Variants in CPLANE1 observed in about 807,000 individuals in gnomAD.
The protein encoded by CPLANE1 is ciliogenesis and planar polarity effector 1.
In CPLANE1, 263 loss-of-function variants were observed where a neutral mutation model predicts 362.5. That is an observed-to-expected ratio of 0.73 (90% CI 0.66 to 0.80). The LOEUF (loss-of-function observed/expected upper bound fraction) is 0.80. Ranked by LOEUF, CPLANE1 falls within the 30% of genes least tolerant of loss-of-function variation. CPLANE1 has a pLI of 0.00. For synonymous variants in CPLANE1, 1,212 were observed against 1,302.6 expected, an observed-to-expected ratio of 0.93 and a Z score of 1.50; for missense variants, 3,461 against 3,793.4, an observed-to-expected ratio of 0.91 and a Z score of 2.30.
chr5:37,100,940 C>T, the CPLANE1 span, among the ~76,000 whole-genome samples: 3 of 152,066 alleles, frequency 2.0e-5, no homozygotes, highest in South Asian at 2.1e-4. Flanking sequence ...GGAATGTCAG[C>T]GATTTTTGCA....
At position 37,227,278 on chromosome 5, in the gene CPLANE1, C is replaced by A; in HGVS notation, c.1486G>T (p.Glu496Ter). 2 of 1,551,994 alleles carry A rather than the reference C, an allele frequency of 1.3e-6. No homozygotes were observed. The highest frequency in any genetic ancestry group is 8.7e-7 in the Non-Finnish European group (1 of 1,146,984). The change falls in exon 11 of 53, where the codon GAA (glutamate) becomes TAA (stop). Residue 496 changes from glutamate to a stop codon, truncating the protein, a stop_gained. Coordinates refer to ENST00000651892, the MANE Select transcript of CPLANE1 (RefSeq NM_001384732.1). LOFTEE classifies it high-confidence loss of function. ...GCTGCATTTTCATTTATTGTTTCTT[C>A]TGCCTGCAAGAATTTGGGGACAGTG... ...DFTVPKFLQA[E>*]ETINENAADF...
In CPLANE1 at chr5:37,169,063, C is replaced by A; in HGVS notation, c.6961G>T (p.Val2321Phe). Residue 2321 changes from valine to phenylalanine, a missense_variant, in exon 34 of 53, where the codon GTT (valine) becomes TTT (phenylalanine). Val to Phe is a conservative substitution (Grantham distance 50). This residue lies in a region of CPLANE1 where 3,380 missense variants were observed against 3,666.1 expected (regional missense o/e 0.92). Transcript: ENST00000651892. ...IPNHVNLDQY[V>F]GQENLTPQQD... ...TGAGGTGTCAAATTTTCTTGTCCAA[C>A]ATATTGATCCAAGTTCACATGATTA... 6.2e-7 allele frequency: 1 copy of A among 1,614,210 alleles called. No individual in the cohort carries two copies. Among genetic ancestry groups the A allele is most frequent in the Non-Finnish European group, 8.5e-7 (1 of 1,180,038 alleles).
intron 21 of CPLANE1, 38 bp from the exon 22 acceptor site, chr5:37,187,880 A>G: frequency 1.4e-6 from 2 of 1,428,160 alleles, no homozygotes; most frequent in Non-Finnish European, 9.8e-7. Flanking sequence ...AAATCACATG[A>G]GTATGTACAT....
intron 15 of CPLANE1, among the ~76,000 whole-genome samples, chr5:37,217,606 C>CAAAT (rs10655258): frequency 0.068 from 10,115 of 147,862 alleles, 615 homozygotes; most frequent in African/African-American, 0.16. Context: ...GACACCATCT[C>CAAAT]AAATAAATAA....
chr5:37,136,178 G>C (rs1465094013), intron 46 of CPLANE1, among the ~76,000 whole-genome samples: 2 of 152,140 alleles, frequency 1.3e-5, no homozygotes, highest in African/African-American at 4.8e-5. Flanking sequence ...AAGCAATTTA[G>C]TTACTTCCTA....
In CPLANE1 at chr5:37,243,729, TATATATA is replaced by T. The variant is rs758509145; in HGVS notation, c.571-617_571-611del. Among the ~76,000 whole-genome samples the T allele has an allele frequency of 1.9e-3, 275 of 146,980 alleles. 5 individuals are homozygous for T. The Middle Eastern group carries it at 0.05, about 27-fold the overall frequency. ...AATATAATATATAATATACATGTAT[TATATATA>T]ATATATAATATGCATATAATATATA... On this transcript the variant is annotated intron_variant, in intron 5 of 52. Coordinates refer to ENST00000651892, the MANE Select transcript of CPLANE1 (RefSeq NM_001384732.1).
chr5:37,210,462 C>A (rs970119178), intron 16 of CPLANE1: 5 of 1,085,608 alleles, frequency 4.6e-6, no homozygotes, highest in Non-Finnish European at 5.6e-6. Context: ...TAGAACTAAT[C>A]GACTGATTGA....
Position 37,140,111 on chromosome 5 carries a change from T to C in CPLANE1, c.8633-741A>G, listed in dbSNP as rs923376962. On this transcript the variant is annotated intron_variant, in intron 44 of 52. Transcript: ENST00000651892. ...TCTTGTCCAGTATTAACTATATGTC[T>C]TCAGAGAAAAACACTTAATCTATTC... 1.7e-5 allele frequency: 15 copies of C among 898,242 alleles called. No homozygotes were observed. The East Asian group carries it at 1.3e-3, about 79-fold the overall frequency. 55.6% of individuals were successfully genotyped at this position (898,242 alleles called of 1,614,324 possible). A position where few individuals can be genotyped will look rare whatever the true frequency, so the allele number is the denominator to read the frequency against.
intron 16 of CPLANE1, among the ~76,000 whole-genome samples, chr5:37,206,828 T>G (rs1415959429): frequency 6.6e-6 from 1 of 152,068 alleles, no homozygotes; most frequent in Admixed American, 6.6e-5. Context: ...TGGGTCACAA[T>G]GTGCAATTTA....
intron 51 of CPLANE1, among the ~76,000 whole-genome samples, chr5:37,112,167 T>C (rs1759548943): frequency 1.3e-5 from 2 of 152,228 alleles, no homozygotes; most frequent in Admixed American, 6.5e-5. Flanking sequence ...ATAATTATTG[T>C]CATCTAGAAA....
intron 50 of CPLANE1, among the ~76,000 whole-genome samples, chr5:37,115,836 G>A (rs1224785228): frequency 1.3e-5 from 2 of 151,288 alleles, no homozygotes; most frequent in Non-Finnish European, 2.9e-5. Context: ...GACATGATCC[G>A]CCCACCTCAG....
intron 16 of CPLANE1, among the ~76,000 whole-genome samples, chr5:37,208,644 T>C (rs2150162437): frequency 7.0e-6 from 1 of 142,042 alleles, no homozygotes; most frequent in Non-Finnish European, 1.5e-5. Flanking sequence ...GCCACTGCAC[T>C]CCAGCCTGGG....
At chr5:37,137,246 C>T (rs1392242380) in intron 46 of CPLANE1, among the ~76,000 whole-genome samples, 1 of 152,198 alleles carries the variant, frequency 6.6e-6, no homozygotes, top group East Asian at 1.9e-4. Flanking sequence ...AGTCTCGTTG[C>T]TAAAACATAA....
intron 23 of CPLANE1, among the ~76,000 whole-genome samples, chr5:37,186,902 A>G (rs1016523116): frequency 1.3e-5 from 2 of 152,020 alleles, no homozygotes; most frequent in Non-Finnish European, 2.9e-5. Context: ...TACTAAAAAA[A>G]TACAAAAAAT....
At chr5:37,140,562 T>G (rs1769369029) in intron 44 of CPLANE1, 1 of 985,222 alleles carries the variant, frequency 1.0e-6, no homozygotes, top group Admixed American at 6.2e-5. Flanking sequence ...AAAGAGAAGG[T>G]CCATTAAAGA....
At chr5:37,113,898 C>T (rs565949314) in intron 51 of CPLANE1, among the ~76,000 whole-genome samples, 12 of 152,116 alleles carry the variant, frequency 7.9e-5, no homozygotes, top group Non-Finnish European at 1.6e-4. Context: ...CTGCAACCTC[C>T]GCCTGCTGGG....
intron 40 of CPLANE1, 76 bp downstream of exon 40, chr5:37,157,594 G>C: frequency 1.6e-6 from 2 of 1,285,812 alleles, no homozygotes; most frequent in Admixed American, 3.6e-5. Context: ...AGAGGTAAGA[G>C]ATGTGAGTAG....
chr5:37,095,777 C>G, the CPLANE1 span, among the ~76,000 whole-genome samples: 10 of 152,188 alleles, frequency 6.6e-5, no homozygotes, highest in Non-Finnish European at 1.5e-4. Flanking sequence ...TTCTGCTATA[C>G]ACCAACAGCA....
At position 37,209,962 on chromosome 5, in the gene CPLANE1, T is replaced by G. The variant is rs1792112107; in HGVS notation, c.2921-3537A>C. On this transcript the variant is annotated intron_variant, in intron 16 of 52. Transcript: ENST00000651892. This position sits in a 1 kb window ranked among gnomAD's most constrained non-coding sequence, Gnocchi z 4.6. ...AAGTTTGAGTCTTTAGAAATAAAGC[T>G]AAATGAATATAAGAGAGAAATAGAA... is the stretch of plus-strand genomic sequence containing the variant. 4 of 1,051,784 alleles carry G rather than the reference T, an allele frequency of 3.8e-6. No homozygotes were observed. In the South Asian group the frequency reaches 3.8e-5, roughly 10 times the overall value. 65.2% of individuals were successfully genotyped at this position (1,051,784 alleles called of 1,614,324 possible).
Sources: allele counts gnomAD v4.1 joint callset (sites outside exome capture counted in the v4.1 genomes callset), GRCh38; gene constraint gnomAD v4.1.1; regional missense constraint gnomAD v4.1.1; non-coding constraint Gnocchi (gnomAD v3.1); transcripts MANE v1.5; gene names NCBI Gene and HGNC (gene_info 2026-07-23, HGNC 2026-07-21).